Variants in FGD6 observed in about 807,000 individuals in gnomAD.
FGD6 encodes the protein FYVE, RhoGEF and PH domain-containing protein 6.
Under a neutral mutation model 149.4 loss-of-function variants are expected in FGD6, and 90 were observed. That is an observed-to-expected ratio of 0.60 (90% CI 0.51 to 0.72). The LOEUF is 0.72. Ranked by LOEUF, FGD6 falls within the 30% of genes least tolerant of loss-of-function variation. FGD6 has a pLI of 0.00. For missense variants in FGD6, 1,437 were observed against 1,684.8 expected (o/e 0.85, Z 2.57); for synonymous variants, 527 against 584.0 (o/e 0.90, Z 1.41).
chr12:95,130,093 G>A (rs1372974549), intron 8 of FGD6, among the ~76,000 whole-genome samples: 1 of 152,200 alleles, frequency 6.6e-6, no homozygotes, highest in Non-Finnish European at 1.5e-5. Flanking sequence ...GAATGTAGGT[G>A]TAAGTGTTTT....
intron 2 of FGD6, among the ~76,000 whole-genome samples, chr12:95,197,899 A>C (rs972085654): frequency 1.3e-5 from 2 of 152,204 alleles, no homozygotes; most frequent in African/African-American, 4.8e-5. Context: ...CAAATATGAC[A>C]TAATGAATTC....
intron 6 of FGD6, among the ~76,000 whole-genome samples, chr12:95,138,410 G>C (rs1366234169): frequency 6.6e-6 from 1 of 151,468 alleles, no homozygotes; most frequent in Non-Finnish European, 1.5e-5. Flanking sequence ...TGGGCATGGT[G>C]GCAGGCGCCT....
intron 2 of FGD6, among the ~76,000 whole-genome samples, chr12:95,173,048 T>C (rs540709385): frequency 6.6e-6 from 1 of 152,300 alleles, no homozygotes; most frequent in Non-Finnish European, 1.5e-5. Flanking sequence ...ACTCCTAGAA[T>C]AAACTAAGAA....
chr12:95,217,072 A>T (rs1180500522), intron 1 of FGD6, among the ~76,000 whole-genome samples, 153 bp downstream of exon 1: 1 of 152,198 alleles, frequency 6.6e-6, no homozygotes, highest in Non-Finnish European at 1.5e-5. Context: ...GAAAGCCGGC[A>T]GCGAATCCCA....
At chr12:95,169,653 T>C (rs749225619) in intron 3 of FGD6, among the ~76,000 whole-genome samples, 31 of 152,130 alleles carry the variant, frequency 2.0e-4, no homozygotes, top group Non-Finnish European at 3.5e-4. Context: ...CCTGATAGAA[T>C]GTGGAAACCA....
chr12:95,205,735 A>G (rs562313860), intron 2 of FGD6, among the ~76,000 whole-genome samples: 1 of 152,260 alleles, frequency 6.6e-6, no homozygotes, highest in African/African-American at 2.4e-5. Flanking sequence ...CCTCTATTCA[A>G]TGTTGTTTAC....
intron 5 of FGD6, among the ~76,000 whole-genome samples, chr12:95,149,825 A>G (rs971000557): frequency 6.8e-6 from 1 of 146,450 alleles, no homozygotes; most frequent in African/African-American, 2.5e-5. Flanking sequence ...TAATCATTAT[A>G]TATAATATAT....
chr12:95,174,452 C>T (rs981915755), intron 2 of FGD6, among the ~76,000 whole-genome samples: 1 of 152,126 alleles, frequency 6.6e-6, no homozygotes, highest in Non-Finnish European at 1.5e-5. Flanking sequence ...CCTCAGAAAA[C>T]ACACGCTCAG....
At position 95,103,805 on chromosome 12, in the gene FGD6, T is replaced by C. The variant is rs116104937; in HGVS notation, c.3497+1202A>G. Among the ~76,000 whole-genome samples the C allele has an allele frequency of 9.8e-3, 1,499 of 152,248 alleles. 24 individuals carry two copies. The highest frequency in any genetic ancestry group is 0.034 in the African/African-American group (1,403 of 41,538). On this transcript the variant is annotated intron_variant, in intron 14 of 20. Transcript: ENST00000343958. ...ACCCGCCTTGGCCTCCCAAAGTGCT[T>C]GATTACAGGCGTAAGCTACTGCACC...
chr12:95,148,506 A>G (rs549906313), intron 5 of FGD6, among the ~76,000 whole-genome samples: 43 of 118,326 alleles, frequency 3.6e-4, no homozygotes, highest in African/African-American at 1.3e-3. Flanking sequence ...TATAATATAT[A>G]GCATATATTA....
intron 2 of FGD6, among the ~76,000 whole-genome samples, chr12:95,204,904 C>G (rs1284002811): frequency 6.6e-6 from 1 of 152,190 alleles, no homozygotes; most frequent in African/African-American, 2.4e-5. Flanking sequence ...ACTTTTAGAA[C>G]ACAATCCTTT....
chr12:95,107,197 T>TA (rs1878657046), intron 12 of FGD6, among the ~76,000 whole-genome samples, 160 bp from the exon 13 acceptor site: 1 of 89,152 alleles, frequency 1.1e-5, no homozygotes, highest in Non-Finnish European at 2.5e-5. Context: ...CTACCCAGAA[T>TA]GTTTATTAGA....
intron 2 of FGD6, among the ~76,000 whole-genome samples, chr12:95,197,844 A>T (rs958757966): frequency 9.2e-5 from 14 of 152,198 alleles, no homozygotes; most frequent in African/African-American, 3.4e-4. Context: ...CAGGAATCAT[A>T]TTTAACTTGC....
In FGD6 at chr12:95,137,616, G is replaced by C; in HGVS notation, c.2900C>G (p.Ser967Cys). The C allele has an allele frequency of 1.2e-6, 2 of 1,611,516 alleles. No individual in the cohort carries two copies. Among genetic ancestry groups the C allele is most frequent in the Non-Finnish European group, 8.5e-7 (1 of 1,178,688 alleles). The change falls in exon 7 of 21, where the codon TCC becomes TGC. Residue 967 changes from serine (S) to cysteine (C), a missense_variant. Ser to Cys is a moderately radical substitution (Grantham distance 112, BLOSUM62 -1). Coordinates refer to ENST00000343958, the MANE Select transcript of FGD6 (RefSeq NM_018351.4). ...VKKGPYLKMYSTYIKEFDKNI... is the reference protein window; with the variant it reads ...VKKGPYLKMYCTYIKEFDKNI... ...CTTATCAAATTCTTTGATGTATGTG[G>C]AATACATTTTTAGATATGGTCCCTT...
rs777019086 is a variant in FGD6 at position 95,209,905 on chromosome 12, T to G, written c.1379A>C (p.Lys460Thr). Residue 460 changes from lysine to threonine, a missense_variant, in exon 2 of 21, where the codon AAA (lysine) becomes ACA (threonine). This residue lies in a region of FGD6 where 1,055 missense variants were observed against 1,146.0 expected (regional missense o/e 0.92). Transcript: ENST00000343958. ...TTGCAAATGTTCATTGCAAGTTAATTTGAGCTGCTTAGGCAGGCTCATAGA... is the reference window on the plus strand; with the variant it reads ...TTGCAAATGTTCATTGCAAGTTAATGTGAGCTGCTTAGGCAGGCTCATAGA... Reference protein sequence around the residue: ...TVSMSLPKQLKLTCNEHLQSG... With the variant: ...TVSMSLPKQLTLTCNEHLQSG... 1.5e-5 allele frequency: 24 copies of G among 1,613,276 alleles called. No individual in the cohort carries two copies. Among genetic ancestry groups the G allele is most frequent in the Non-Finnish European group, 1.9e-5 (22 of 1,179,912 alleles).
Position 95,105,057 on chromosome 12 carries a change from C to G in FGD6, c.3447G>C (p.Gln1149His). 1 of 1,610,372 alleles carries G rather than the reference C, an allele frequency of 6.2e-7. No individual in the cohort carries two copies. The change falls in exon 14 of 21, where the codon CAG (glutamine) becomes CAC (histidine). Residue 1149 changes from glutamine (Q) to histidine (H), a missense_variant. Gln to His is a conservative substitution (Grantham distance 24, BLOSUM62 0). Around this residue, in one of 2 missense-constraint regions of FGD6, gnomAD observed 382 missense variants for 538.7 expected, o/e 0.71. Transcript: ENST00000343958. Reference sequence around the variant, plus strand: ...CTACACTTTCAATCTTTAATTCATTCTGATAGGCTTCTTGGGTAGGTTTTC... The same window carrying G: ...CTACACTTTCAATCTTTAATTCATTGTGATAGGCTTCTTGGGTAGGTTTTC... Reference protein sequence around the residue: ...KVRKPTQEAYQNELKIESVER... With the variant: ...KVRKPTQEAYHNELKIESVER...
At chr12:95,181,132 A>G in intron 2 of FGD6, among the ~76,000 whole-genome samples, 1 of 152,208 alleles carries the variant, frequency 6.6e-6, no homozygotes, top group East Asian at 1.9e-4. Context: ...TAGGAAGGGG[A>G]GATCTGGCTA....
intron 1 of FGD6, among the ~76,000 whole-genome samples, chr12:95,213,136 T>C (rs1047356877): frequency 6.6e-6 from 1 of 152,184 alleles, no homozygotes; most frequent in Non-Finnish European, 1.5e-5. Context: ...ACCCTCCATT[T>C]AGTAAGTCAA....
chr12:95,170,047 G>T, intron 3 of FGD6, among the ~76,000 whole-genome samples: 1 of 152,034 alleles, frequency 6.6e-6, no homozygotes, highest in East Asian at 1.9e-4. Flanking sequence ...CTTGAACCTG[G>T]AAGGTGGAGG....
Sources: allele counts gnomAD v4.1 joint callset (sites outside exome capture counted in the v4.1 genomes callset), GRCh38; gene constraint gnomAD v4.1.1; regional missense constraint gnomAD v4.1.1; transcripts MANE v1.5; gene names NCBI Gene and HGNC (gene_info 2026-07-23, HGNC 2026-07-21).